The following SAMD12 variants were observed in gnomAD, a reference collection of about 807,000 sequenced individuals.
The protein encoded by SAMD12 is sterile alpha motif domain-containing protein 12.
In SAMD12, 9 loss-of-function variants were observed where a neutral mutation model predicts 15.0. The observed-to-expected ratio is 0.60, with a 90% CI of 0.36 to 1.05. SAMD12 has a LOEUF of 1.05. SAMD12 is among the 50% of genes least tolerant of loss of function. The pLI, the probability that SAMD12 is intolerant of heterozygous loss-of-function variation, is 0.01. For missense variants in SAMD12, 230 were observed against 234.2 expected (o/e 0.98, Z 0.12); for synonymous variants, 86 against 90.1 (o/e 0.96, Z 0.25).
At chr8:118,226,384 T>C (rs1324466493) in intron 4 of SAMD12, among the ~76,000 whole-genome samples, 1 of 152,192 alleles carries the variant, frequency 6.6e-6, no homozygotes, top group African/African-American at 2.4e-5. Context: ...AGAACATGGA[T>C]AAGTAATTAT....
intron 4 of SAMD12, among the ~76,000 whole-genome samples, chr8:118,301,747 A>G (rs928993683): frequency 2.0e-5 from 3 of 152,314 alleles, no homozygotes; most frequent in Admixed American, 2.0e-4. Flanking sequence ...ATCCATATGG[A>G]TGAATACAGA....
chr8:118,235,428 C>G (rs1407950348), intron 4 of SAMD12, among the ~76,000 whole-genome samples: 5 of 152,100 alleles, frequency 3.3e-5, no homozygotes, highest in African/African-American at 1.2e-4. Context: ...CCAGGATGGT[C>G]TCGATCTCTT....
chr8:118,216,977 G>A (rs1280362321), intron 4 of SAMD12, among the ~76,000 whole-genome samples: 2 of 152,048 alleles, frequency 1.3e-5, no homozygotes, highest in South Asian at 2.1e-4. Context: ...CGCATTCATC[G>A]TTTAGGCCCT....
chr8:118,618,964 C>T (rs979311522), intron 1 of SAMD12, among the ~76,000 whole-genome samples: 1 of 152,192 alleles, frequency 6.6e-6, no homozygotes, highest in African/African-American at 2.4e-5. Context: ...TATTCCAGTT[C>T]CTCTGGCAAA....
intron 3 of SAMD12, among the ~76,000 whole-genome samples, chr8:118,385,957 G>A (rs559515051): frequency 1.3e-5 from 2 of 152,280 alleles, no homozygotes; most frequent in South Asian, 4.1e-4. Context: ...AAGCAATAGA[G>A]AACACGAGAC....
At chr8:118,575,584 C>T (rs1320094457) in intron 2 of SAMD12, among the ~76,000 whole-genome samples, 1 of 152,094 alleles carries the variant, frequency 6.6e-6, no homozygotes, top group African/African-American at 2.4e-5. Context: ...CATTTTACAT[C>T]CTTGGGTTTC....
chr8:118,596,685 T>C (rs1033755947), intron 1 of SAMD12, among the ~76,000 whole-genome samples: 1 of 152,226 alleles, frequency 6.6e-6, no homozygotes, highest in African/African-American at 2.4e-5. Context: ...CTAGGTTGTC[T>C]TCTTCCTGCT....
At chr8:118,226,278 T>A (rs1378217104) in intron 4 of SAMD12, among the ~76,000 whole-genome samples, 2 of 152,176 alleles carry the variant, frequency 1.3e-5, no homozygotes, top group African/African-American at 4.8e-5. Flanking sequence ...GAGACTATGC[T>A]ACTCATATTA....
At chr8:118,191,763 TATATATATATATATATATATATA>T (rs1819385124) in exon 5 of SAMD12, 174 of 14,416 alleles carry the variant, frequency 0.012, 25 homozygotes, top group Non-Finnish European at 0.013. Context: ...AGATTATATA[TATATATATATATATATATATATA>T]TATATATATA....
chr8:118,396,519 C>A (rs886116524), intron 3 of SAMD12, among the ~76,000 whole-genome samples: 4 of 152,106 alleles, frequency 2.6e-5, no homozygotes, highest in Non-Finnish European at 5.9e-5. Flanking sequence ...CAGCACTCAG[C>A]AATTGGTAGA....
intron 4 of SAMD12, among the ~76,000 whole-genome samples, chr8:118,198,496 A>G (rs1045013003): frequency 6.6e-6 from 1 of 152,228 alleles, no homozygotes; most frequent in Non-Finnish European, 1.5e-5. Flanking sequence ...GAAAAATATC[A>G]GTATTAGTTT....
intron 2 of SAMD12, among the ~76,000 whole-genome samples, chr8:118,565,929 G>A (rs570100553): frequency 1.0e-3 from 158 of 152,236 alleles, no homozygotes; most frequent in African/African-American, 3.6e-3. Flanking sequence ...CATTTAGACT[G>A]ACACCATCCT....
chr8:118,521,984 G>A (rs1045689878), intron 2 of SAMD12, among the ~76,000 whole-genome samples: 2 of 152,066 alleles, frequency 1.3e-5, no homozygotes, highest in African/African-American at 4.8e-5. Context: ...AGTGTGCCAA[G>A]GAAGTACTGG....
At chr8:118,451,831 G>C (rs369759287) in intron 2 of SAMD12, among the ~76,000 whole-genome samples, 1 of 152,020 alleles carries the variant, frequency 6.6e-6, no homozygotes, top group African/African-American at 2.4e-5. Context: ...CCCAACCCCA[G>C]GTCCATGATT....
At chr8:118,164,690 C>CA in the SAMD12 span, among the ~76,000 whole-genome samples, 2 of 142,932 alleles carry the variant, frequency 1.4e-5, no homozygotes, top group Non-Finnish European at 3.2e-5. Context: ...CAGCTATAGG[C>CA]AATTTTTTTT....
intron 4 of SAMD12, among the ~76,000 whole-genome samples, chr8:118,369,553 T>G (rs558182011): frequency 1.3e-5 from 2 of 152,006 alleles, no homozygotes; most frequent in East Asian, 3.9e-4. Context: ...CCATCTCTAC[T>G]AAAAATTCAA....
Position 118,548,794 on chromosome 8 carries a change from G to A in SAMD12, c.192+31921C>T, listed in dbSNP as rs919822064. On this transcript the variant is annotated intron_variant, in intron 2 of 3. Transcript: ENST00000314727. ...CTAGTCAAAGAAAGGGGTGACAGAC[G>A]GCACCTGGAAAATCGGGTCACTCCC... Among the ~76,000 whole-genome samples the A allele has an allele frequency of 5.9e-5, 9 of 152,186 alleles. No homozygotes were observed. In the South Asian group the frequency reaches 6.2e-4, roughly 11 times the overall value.
At chr8:118,161,192 G>A in the SAMD12 span, among the ~76,000 whole-genome samples, 2 of 152,092 alleles carry the variant, frequency 1.3e-5, no homozygotes, top group Admixed American at 6.6e-5. Context: ...CCAGTCTATT[G>A]TTGTTGGACA....
intron 2 of SAMD12, among the ~76,000 whole-genome samples, chr8:118,507,116 T>C (rs1824941470): frequency 6.6e-6 from 1 of 152,070 alleles, no homozygotes; most frequent in African/African-American, 2.4e-5. Context: ...TGTCACTGCA[T>C]TCCATGAATT....
Sources: gnomAD v4.1 joint callset for allele counts (sites outside exome capture counted in the v4.1 genomes callset) on GRCh38, gnomAD v4.1.1 for gene constraint, MANE v1.5 for transcripts, NCBI Gene and HGNC (gene_info 2026-07-23, HGNC 2026-07-21) for gene names.